Variants in ZNFX1 observed in about 807,000 individuals in gnomAD.
ZNFX1 encodes NFX1-type zinc finger-containing protein 1.
In ZNFX1, 78 loss-of-function variants were observed where a neutral mutation model predicts 179.8. The observed-to-expected ratio is 0.43, with a 90% CI of 0.36 to 0.52. The LOEUF (loss-of-function observed/expected upper bound fraction) is 0.52. Among genes scored for constraint, ZNFX1 ranks in the 20% least tolerant of loss-of-function variants. The probability of loss-of-function intolerance (pLI) is 0.00; values close to 1 mark genes in which losing one functional copy is unlikely to be tolerated. For missense variants in ZNFX1, 1,927 were observed against 2,386.6 expected (o/e 0.81, Z 4.01); for synonymous variants, 848 against 868.5 (o/e 0.98, Z 0.42).
chr20:49,247,886 G>T lies in ZNFX1; in HGVS notation c.5138C>A (p.Ala1713Asp), dbSNP rs1194890851. 6.2e-7 allele frequency: 1 copy of T among 1,614,098 alleles called. No homozygotes were observed. Among genetic ancestry groups the T allele is most frequent in the South Asian group, 1.1e-5 (1 of 91,082 alleles). Residue 1713 changes from alanine to aspartate, a missense_variant, in exon 14 of 14, where the codon GCC becomes GAC. By Grantham distance (126) the Ala-to-Asp change is moderately radical. Coordinates refer to ENST00000396105, the MANE Select transcript of ZNFX1 (RefSeq NM_021035.3). ...ENYISFYDHL[A>D]SLWDSLKKMH... ...CTTTTTCAGGGAATCCCACAGGCTG[G>T]CCAGGTGGTCATAGAAGCTGATGTA...
At position 49,264,782 on chromosome 20, in the gene ZNFX1, C is replaced by T; in HGVS notation, c.2085G>A (p.Arg695=). 1.2e-6 allele frequency: 2 copies of T among 1,614,158 alleles called. No homozygotes were observed. Among genetic ancestry groups the T allele is most frequent in the Non-Finnish European group, 8.5e-7 (1 of 1,180,024 alleles). Residue 695 remains arginine, a synonymous_variant, in exon 5 of 14, where the codon AGG becomes AGA. Transcript: ENST00000396105. ...NSEILKQFTL[R]ELRNKREFRR... Reference sequence around the variant, plus strand: ...GGAATTCCCGCTTGTTCCTCAGCTCCCTTAGGGTGAACTGCTTCAGGATTT... The same window carrying T: ...GGAATTCCCGCTTGTTCCTCAGCTCTCTTAGGGTGAACTGCTTCAGGATTT...
rs201771392 is a variant in ZNFX1, at chr20:49,271,544, C to G, written c.268G>C (p.Asp90His). 1 of 1,614,138 alleles carries G rather than the reference C, an allele frequency of 6.2e-7. No individual in the cohort carries two copies. Among genetic ancestry groups the G allele is most frequent in the African/African-American group, 1.3e-5 (1 of 75,016 alleles). ...GRRNQEGHASDEARDQRHDQE... is the reference protein window; with the variant it reads ...GRRNQEGHASHEARDQRHDQE... Reference sequence around the variant, plus strand: ...TCATGTCTTTGGTCTCTAGCTTCGTCGCTGGCATGCCCCTCCTGGTTCCTC... The same window carrying G: ...TCATGTCTTTGGTCTCTAGCTTCGTGGCTGGCATGCCCCTCCTGGTTCCTC... Residue 90 changes from aspartate to histidine, a missense_variant, in exon 3 of 14, where the codon GAC becomes CAC. Transcript: ENST00000396105.
chr20:49,270,505 G>A lies in ZNFX1; in HGVS notation c.1307C>T (p.Pro436Leu), dbSNP rs1055536982. ...IVYKVQFDTK[P>L]LKFVRWQNSK... is the part of the protein sequence containing the mutation. ...ATTCTGCCAGCGAACAAACTTCAGT[G>A]GTTTTGTGTCAAACTGCACCTTGTA... Residue 436 changes from proline (P) to leucine (L), a missense_variant, in exon 3 of 14, where the codon CCA becomes CTA. By Grantham distance (98) the Pro-to-Leu change is moderately conservative. Coordinates refer to ENST00000396105, the MANE Select transcript of ZNFX1 (RefSeq NM_021035.3). The surrounding 1 kb of genome is among the most constrained non-coding windows in gnomAD (Gnocchi z 4.6). 6 of 1,614,104 alleles carry A rather than the reference G, an allele frequency of 3.7e-6. No individual in the cohort carries two copies. The highest frequency in any genetic ancestry group is 5.1e-6 in the Non-Finnish European group (6 of 1,180,050).
chr20:49,275,731 CTTT>C (rs1568988481), intron 2 of ZNFX1, 45 bp downstream of exon 2: 2 of 1,579,016 alleles, frequency 1.3e-6, no homozygotes, highest in Admixed American at 3.3e-5. Context: ...CTATTTCCTT[CTTT>C]TATTACTAGA....
intron 5 of ZNFX1, among the ~76,000 whole-genome samples, chr20:49,263,861 T>C (rs1479116038): frequency 6.6e-6 from 1 of 151,954 alleles, no homozygotes; most frequent in Non-Finnish European, 1.5e-5. Flanking sequence ...ACTAGAAGTG[T>C]TTCAGATTTT....
chr20:49,250,649 T>A (rs1980812442), intron 13 of ZNFX1, among the ~76,000 whole-genome samples: 1 of 152,136 alleles, frequency 6.6e-6, no homozygotes, highest in African/African-American at 2.4e-5. Flanking sequence ...CTTCCCAGGT[T>A]CAAGCGATCC....
In ZNFX1 at chr20:49,270,942, T is replaced by C; in HGVS notation, c.870A>G (p.Glu290=). The C allele has an allele frequency of 6.2e-7, 1 of 1,614,160 alleles. No individual in the cohort carries two copies. The highest frequency in any genetic ancestry group is 8.5e-7 in the Non-Finnish European group (1 of 1,180,032). The part of the protein sequence containing the change: ...LRASGVDIEE[E]TEKNLEKVQT... ...GTACCTTTTCCAGGTTCTTCTCCGT[T>C]TCCTCTTCTATGTCAACACCAGAGG... is the stretch of plus-strand genomic sequence containing the variant. The change falls in exon 3 of 14, where the codon GAA becomes GAG. Residue 290 remains glutamate, a synonymous_variant. Transcript: ENST00000396105. The surrounding 1 kb of genome is among the most constrained non-coding windows in gnomAD (Gnocchi z 4.6).
Position 49,248,906 on chromosome 20 carries a change from T to A in ZNFX1, c.4118A>T (p.Gln1373Leu). ...TCTCAGAGACTTGGAGCAAGGCTCC[T>A]GGCAGCAGAAATCTGACTCAGGCAC... ...CSVPESDFCC[Q>L]EPCSKSLRCG... The change falls in exon 14 of 14, where the codon CAG becomes CTG. Residue 1373 changes from glutamine to leucine, a missense_variant. Coordinates refer to ENST00000396105, the MANE Select transcript of ZNFX1 (RefSeq NM_021035.3). This position sits in a 1 kb window ranked among gnomAD's most constrained non-coding sequence, Gnocchi z 4.6. 1 of 1,614,280 alleles carries A rather than the reference T, an allele frequency of 6.2e-7. No homozygotes were observed. The highest frequency in any genetic ancestry group is 8.5e-7 in the Non-Finnish European group (1 of 1,180,050).
In ZNFX1 at chr20:49,249,265, G is replaced by T; in HGVS notation, c.3759C>A (p.Asn1253Lys). ...WSKIIHTLRE[N>K]NQIGPMLRLC... ...GCCGGAGCATGGGGCCTATTTGATT[G>T]TTCTCTCGAAGTGTATGAATGATCT... The change falls in exon 14 of 14, where the codon AAC (asparagine) becomes AAA (lysine). Residue 1253 changes from asparagine (N) to lysine (K), a missense_variant. Physicochemically the swap from Asn to Lys is moderately conservative, Grantham distance 94. Coordinates refer to ENST00000396105, the MANE Select transcript of ZNFX1 (RefSeq NM_021035.3). 1 of 1,614,222 alleles carries T rather than the reference G, an allele frequency of 6.2e-7. No individual in the cohort carries two copies. Among genetic ancestry groups the T allele is most frequent in the Non-Finnish European group, 8.5e-7 (1 of 1,180,042 alleles).
chr20:49,263,296 G>A (rs748213065), intron 6 of ZNFX1, 38 bp downstream of exon 6: 1 of 1,607,208 alleles, frequency 6.2e-7, no homozygotes, highest in Non-Finnish European at 8.5e-7. Flanking sequence ...AAGTACTGAG[G>A]CCAGAGACAT....
chr20:49,260,260 G>A (rs1307622919), intron 7 of ZNFX1, among the ~76,000 whole-genome samples: 1 of 144,540 alleles, frequency 6.9e-6, no homozygotes, highest in Non-Finnish European at 1.5e-5. Context: ...CTGCACTCCA[G>A]CCTGGGCAAC....
rs1215985355 is a variant in ZNFX1 at position 49,275,802 on chromosome 20, C to T, written c.38G>A (p.Arg13Lys). ...ERRPHLDARP[R>K]NSHTNHRGPV... Reference sequence around the variant, plus strand: ...ACCTCTGTGGTTGGTATGGGAATTCCTGGGCCTGGCATCCAGATGAGGTCT... The same window carrying T: ...ACCTCTGTGGTTGGTATGGGAATTCTTGGGCCTGGCATCCAGATGAGGTCT... Residue 13 changes from arginine (R) to lysine (K), a missense_variant, in exon 2 of 14, where the codon AGG (arginine) becomes AAG (lysine). Physicochemically the swap from Arg to Lys is conservative, Grantham distance 26. Coordinates refer to ENST00000396105, the MANE Select transcript of ZNFX1 (RefSeq NM_021035.3). 2 of 1,614,136 alleles carry T rather than the reference C, an allele frequency of 1.2e-6. No homozygotes were observed. The highest frequency in any genetic ancestry group is 8.5e-7 in the Non-Finnish European group (1 of 1,180,016).
chr20:49,249,922 G>A (rs1285696366), intron 13 of ZNFX1, among the ~76,000 whole-genome samples: 1 of 152,144 alleles, frequency 6.6e-6, no homozygotes, highest in African/African-American at 2.4e-5. Context: ...AAAAGATTAT[G>A]TCTCTTTCAG....
chr20:49,253,476 C>G (rs1215645525), intron 11 of ZNFX1, among the ~76,000 whole-genome samples, 190 bp downstream of exon 11: 1 of 152,146 alleles, frequency 6.6e-6, no homozygotes, highest in Non-Finnish European at 1.5e-5. Context: ...AAATAAATGA[C>G]GTTGCCACTA....
At chr20:49,258,985 C>T (rs1981048058) in intron 7 of ZNFX1, among the ~76,000 whole-genome samples, 1 of 151,280 alleles carries the variant, frequency 6.6e-6, no homozygotes, top group Non-Finnish European at 1.5e-5. Context: ...GCCTGTAATC[C>T]CAGCTACTTG....
At chr20:49,274,849 G>A (rs533180411) in intron 2 of ZNFX1, among the ~76,000 whole-genome samples, 210 of 151,836 alleles carry the variant, frequency 1.4e-3, no homozygotes, top group Non-Finnish European at 2.2e-3. Context: ...TAGGCCGGGC[G>A]TGGTGGCTCA....
At chr20:49,254,344 C>T in intron 10 of ZNFX1, 151 bp downstream of exon 10, 2 of 1,106,346 alleles carry the variant, frequency 1.8e-6, no homozygotes, top group Non-Finnish European at 2.6e-6. Context: ...GTGAATTTCA[C>T]CAAGAGTTCT....
At chr20:49,260,138 G>T (rs1227522255) in intron 7 of ZNFX1, among the ~76,000 whole-genome samples, 1 of 151,906 alleles carries the variant, frequency 6.6e-6, no homozygotes. Context: ...TATCTCATTA[G>T]CTGCGCGTGG....
chr20:49,276,092 G>C (rs1853366567), intron 1 of ZNFX1, among the ~76,000 whole-genome samples: 2 of 152,200 alleles, frequency 1.3e-5, no homozygotes, highest in Admixed American at 6.5e-5. Context: ...CAATTTAGCT[G>C]ATTTCAAGAG....
Sources: gnomAD v4.1 joint callset for allele counts (sites outside exome capture counted in the v4.1 genomes callset) on GRCh38, gnomAD v4.1.1 for gene constraint, Gnocchi (gnomAD v3.1) non-coding constraint, MANE v1.5 for transcripts, NCBI Gene and HGNC (gene_info 2026-07-23, HGNC 2026-07-21) for gene names.